The following TTC39B variants were observed in gnomAD, a reference collection of about 807,000 sequenced individuals.
TTC39B encodes the protein tetratricopeptide repeat protein 39B.
In TTC39B, 92 loss-of-function variants were observed where a neutral mutation model predicts 96.6. The observed-to-expected ratio is 0.95, with a 90% CI of 0.80 to 1.13. TTC39B has a LOEUF of 1.13. Ranked by LOEUF, TTC39B falls within the 50% of genes most tolerant of loss-of-function variation. The probability of loss-of-function intolerance (pLI) is 0.00; values close to 1 mark genes in which losing one functional copy is unlikely to be tolerated. For missense variants in TTC39B, 955 were observed against 809.3 expected, an observed-to-expected ratio of 1.18 and a Z score of -2.18; for synonymous variants, 367 against 299.4, an observed-to-expected ratio of 1.23 and a Z score of -2.33.
intron 8 of TTC39B, among the ~76,000 whole-genome samples, chr9:15,194,200 TA>T (rs1276160033): frequency 6.6e-6 from 1 of 152,018 alleles, no homozygotes; most frequent in Non-Finnish European, 1.5e-5. Context: ...AGTGAAAAAA[TA>T]AAAAACAAAA....
At chr9:15,173,053 C>T (rs2118424045) in intron 19 of TTC39B, among the ~76,000 whole-genome samples, 1 of 152,258 alleles carries the variant, frequency 6.6e-6, no homozygotes. Context: ...TTTGAATTGT[C>T]AGTATTGTCT....
intron 2 of TTC39B, among the ~76,000 whole-genome samples, chr9:15,247,969 T>C (rs1368701352): frequency 6.6e-6 from 1 of 152,220 alleles, no homozygotes; most frequent in Admixed American, 6.5e-5. Context: ...ATCAGGATTC[T>C]GAGTGACCCT....
At chr9:15,294,968 A>T (rs1824319173) in intron 1 of TTC39B, among the ~76,000 whole-genome samples, 1 of 152,226 alleles carries the variant, frequency 6.6e-6, no homozygotes, top group Non-Finnish European at 1.5e-5. Context: ...TACATGGAGG[A>T]GCAGGGATTC....
intron 4 of TTC39B, among the ~76,000 whole-genome samples, chr9:15,213,383 C>G (rs997645258): frequency 3.3e-5 from 5 of 152,312 alleles, no homozygotes; most frequent in African/African-American, 9.6e-5. Context: ...ATAGCTGACC[C>G]ATCTTGATTA....
chr9:15,288,496 T>C (rs576684796), intron 1 of TTC39B, among the ~76,000 whole-genome samples: 2 of 152,288 alleles, frequency 1.3e-5, no homozygotes, highest in African/African-American at 4.8e-5. Context: ...GATTGGCTGC[T>C]GGACAACCAC....
At chr9:15,189,625 G>T (rs570811634) in exon 13 of TTC39B, 4 of 1,614,046 alleles carry the variant, frequency 2.5e-6, no homozygotes, top group Non-Finnish European at 3.4e-6. Flanking sequence ...AAAACAACAC[G>T]AGTGAGCCCT....
intron 1 of TTC39B, among the ~76,000 whole-genome samples, chr9:15,300,064 A>T (rs1009999343): frequency 1.3e-5 from 2 of 152,192 alleles, no homozygotes; most frequent in Non-Finnish European, 2.9e-5. Flanking sequence ...CGGTAAAGTG[A>T]TGCTGCTTCC....
chr9:15,263,953 T>C (rs912090896), intron 2 of TTC39B, among the ~76,000 whole-genome samples: 1 of 152,140 alleles, frequency 6.6e-6, no homozygotes, highest in African/African-American at 2.4e-5. Context: ...CATTCTAAAA[T>C]GGGGAAACCT....
intron 2 of TTC39B, among the ~76,000 whole-genome samples, chr9:15,235,888 A>G (rs1346539342): frequency 2.0e-5 from 3 of 152,028 alleles, no homozygotes; most frequent in African/African-American, 4.8e-5. Flanking sequence ...CACAGATCTT[A>G]TAAAACAACT....
intron 8 of TTC39B, among the ~76,000 whole-genome samples, chr9:15,196,514 A>G (rs1012232503): frequency 2.0e-5 from 3 of 152,236 alleles, no homozygotes; most frequent in African/African-American, 7.2e-5. Flanking sequence ...GGAGAAAGTA[A>G]CTACAGAGGT....
At chr9:15,209,226 G>A (rs1283988574) in intron 6 of TTC39B, among the ~76,000 whole-genome samples, 2 of 152,042 alleles carry the variant, frequency 1.3e-5, no homozygotes, top group Non-Finnish European at 2.9e-5. Context: ...GTGGACTAGA[G>A]TGTAACACTG....
At chr9:15,228,990 A>T (rs935075641) in intron 2 of TTC39B, among the ~76,000 whole-genome samples, 2 of 152,206 alleles carry the variant, frequency 1.3e-5, no homozygotes, top group Non-Finnish European at 1.5e-5. Flanking sequence ...GTATTTCTAG[A>T]TTTATGTTAA....
chr9:15,250,463 T>G (rs1008746292), intron 2 of TTC39B, among the ~76,000 whole-genome samples: 2 of 151,930 alleles, frequency 1.3e-5, no homozygotes, highest in African/African-American at 4.8e-5. Context: ...ATGTAGGCTG[T>G]TATTGCCGAC....
At chr9:15,214,299 C>A (rs1820377548) in intron 3 of TTC39B, 50 bp from the exon 4 acceptor site, 2 of 1,366,642 alleles carry the variant, frequency 1.5e-6, no homozygotes, top group Non-Finnish European at 2.1e-6. Context: ...TTACGATCAG[C>A]AAGTTGTCCG....
intron 2 of TTC39B, among the ~76,000 whole-genome samples, chr9:15,231,574 C>T (rs1314920787): frequency 1.3e-5 from 2 of 152,030 alleles, no homozygotes; most frequent in Non-Finnish European, 2.9e-5. Flanking sequence ...CATTTGAATA[C>T]TGCTCTAATT....
intron 17 of TTC39B, among the ~76,000 whole-genome samples, chr9:15,178,080 A>AGGAT (rs1564311753): frequency 6.6e-6 from 1 of 151,690 alleles, no homozygotes; most frequent in African/African-American, 2.4e-5. Context: ...CGTGTTAGCC[A>AGGAT]GGATGGTCTC....
intron 2 of TTC39B, among the ~76,000 whole-genome samples, chr9:15,231,410 T>A (rs371863063): frequency 6.6e-6 from 1 of 152,230 alleles, no homozygotes; most frequent in South Asian, 2.1e-4. Context: ...TATGGTGGTA[T>A]CTCACTGTAG....
intron 1 of TTC39B, among the ~76,000 whole-genome samples, chr9:15,283,434 T>C (rs910597075): frequency 1.3e-5 from 2 of 152,244 alleles, no homozygotes; most frequent in African/African-American, 4.8e-5. Context: ...TTGACATTTC[T>C]GTAAAACAGG....
chr9:15,185,535 G>T, intron 15 of TTC39B, 129 bp from the exon 16 acceptor site: 1 of 1,437,546 alleles, frequency 7.0e-7, no homozygotes, highest in Non-Finnish European at 9.4e-7. Context: ...GAACCTATTT[G>T]AAATGCCAAT....
Sources: gnomAD v4.1 joint callset for allele counts (sites outside exome capture counted in the v4.1 genomes callset) on GRCh38, gnomAD v4.1.1 for gene constraint, MANE v1.5 for transcripts, NCBI Gene and HGNC (gene_info 2026-07-23, HGNC 2026-07-21) for gene names.